Variants in PLCG1 observed in about 807,000 individuals in gnomAD.
PLCG1 encodes phospholipase C gamma 1, also known as 1-phosphatidylinositol 4,5-bisphosphate phosphodiesterase gamma-1.
A neutral mutation model predicts 177.8 loss-of-function variants in PLCG1; 71 were observed. That is an observed-to-expected ratio of 0.40 (90% CI 0.33 to 0.49). PLCG1 has a LOEUF of 0.49. PLCG1 is among the 20% of genes least tolerant of loss of function. PLCG1 has a pLI of 0.72. For missense variants in PLCG1, 1,281 were observed against 1,709.0 expected, an observed-to-expected ratio of 0.75 and a Z score of 4.42; for synonymous variants, 658 against 647.9, an observed-to-expected ratio of 1.02 and a Z score of -0.24.
chr20:41,137,942 GC>G lies in PLCG1; in HGVS notation c.217+88del. The G allele has an allele frequency of 1.0e-6, 1 of 992,474 alleles. No homozygotes were observed. The highest frequency in any genetic ancestry group is 1.3e-6 in the Non-Finnish European group (1 of 760,192). 61.5% of individuals were successfully genotyped at this position (992,474 alleles called of 1,614,324 possible). ...CCGACTGCTTGCACCCCGGCCGGCC[GC>G]CCCAGCGACTTGGGCAAACTTTCGG... On this transcript the variant is annotated intron_variant, in intron 1 of 31. Coordinates refer to ENST00000685551, the MANE Select transcript of PLCG1 (RefSeq NM_002660.3). This position sits in a 1 kb window ranked among gnomAD's most constrained non-coding sequence, Gnocchi z 7.3.
intron 24 of PLCG1, 34 bp downstream of exon 24, chr20:41,170,303 G>A (rs1251578537): frequency 1.9e-6 from 3 of 1,612,532 alleles, no homozygotes; most frequent in African/African-American, 2.7e-5. Context: ...GGGGGGCAGT[G>A]TGTGGGCCCG....
rs1484540829 is a variant in PLCG1 at position 41,157,194 on chromosome 20, C to T, written c.218-2412C>T. Among the ~76,000 whole-genome samples, 1 of 124,734 alleles carries T rather than the reference C, an allele frequency of 8.0e-6. No homozygotes were observed. The highest frequency in any genetic ancestry group is 1.6e-5 in the Non-Finnish European group (1 of 63,750). The allele number at this position is 124,734 out of a possible 152,430, so 81.8% of individuals were successfully genotyped here. A position where few individuals can be genotyped will look rare whatever the true frequency, so the allele number is the denominator to read the frequency against. Reference sequence around the variant, plus strand: ...ATGGAAATATGTGCAGGAGTGCAGGCCTGTTGACTCTGTGTGTGTGTGTGT... The same window carrying T: ...ATGGAAATATGTGCAGGAGTGCAGGTCTGTTGACTCTGTGTGTGTGTGTGT... On this transcript the variant is annotated intron_variant, in intron 1 of 31. Transcript: ENST00000685551. This position sits in a 1 kb window ranked among gnomAD's most constrained non-coding sequence, Gnocchi z 5.4.
Position 41,163,072 on chromosome 20 carries a change from A to G in PLCG1, c.716+80A>G. On this transcript the variant is annotated intron_variant, in intron 7 of 31. Transcript: ENST00000685551. The surrounding 1 kb of genome is among the most constrained non-coding windows in gnomAD (Gnocchi z 5.2). Reference sequence around the variant, plus strand: ...CTGGGCGATTCTTGATCCAGGTGGGAGGCAGTGGGAGTAGGGAACCATGCT... The same window carrying G: ...CTGGGCGATTCTTGATCCAGGTGGGGGGCAGTGGGAGTAGGGAACCATGCT... 6.6e-7 allele frequency: 1 copy of G among 1,524,342 alleles called. No homozygotes were observed. Among genetic ancestry groups the G allele is most frequent in the Non-Finnish European group, 9.1e-7 (1 of 1,098,512 alleles). 94.4% of individuals were successfully genotyped at this position (1,524,342 alleles called of 1,614,324 possible). A position where few individuals can be genotyped will look rare whatever the true frequency, so the allele number is the denominator to read the frequency against.
In PLCG1 at chr20:41,163,753, G is replaced by A. The variant is rs2035592616; in HGVS notation, c.930G>A (p.Trp310Ter). ...TGTTCTCCAAAGAGAACAGTGTGTG[G>A]AACTCGCAGCTGGATGCAGTATGCC... is the stretch of plus-strand genomic sequence containing the variant. ...TFLFSKENSVWNSQLDAVCPD... is the reference protein window; with the variant it reads ...TFLFSKENSV Residue 310 changes from tryptophan to a stop codon, truncating the protein, a stop_gained, in exon 10 of 32, where the codon TGG becomes TGA. Transcript: ENST00000685551. LOFTEE classifies it high-confidence loss of function. The surrounding 1 kb of genome is among the most constrained non-coding windows in gnomAD (Gnocchi z 5.2). The A allele has an allele frequency of 6.2e-7, 1 of 1,613,366 alleles. No homozygotes were observed. The highest frequency in any genetic ancestry group is 1.3e-5 in the African/African-American group (1 of 74,894).
rs1462766080 is a variant in PLCG1 at position 41,159,981 on chromosome 20, AG to A, written c.464+22del. The A allele has an allele frequency of 2.5e-6, 4 of 1,609,376 alleles. No homozygotes were observed. The highest frequency in any genetic ancestry group is 3.4e-6 in the Non-Finnish European group (4 of 1,175,644). ...ATTGAGAGGTAAGAACCACTCCTGA[AG>A]GGGTTAGGGCTGGGAGCATTAGGGA... On this transcript the variant is annotated intron_variant, in intron 3 of 31. Coordinates refer to ENST00000685551, the MANE Select transcript of PLCG1 (RefSeq NM_002660.3). This position sits in a 1 kb window ranked among gnomAD's most constrained non-coding sequence, Gnocchi z 6.0.
chr20:41,166,810 A>T lies in PLCG1; in HGVS notation c.2252A>T (p.Lys751Met). The change falls in exon 19 of 32, where the codon AAG becomes ATG. Residue 751 changes from lysine to methionine, a missense_variant. Physicochemically the swap from Lys to Met is moderately conservative, Grantham distance 95. Around this residue, in one of 4 missense-constraint regions of PLCG1, gnomAD observed 723 missense variants for 1,030.0 expected, o/e 0.70. Coordinates refer to ENST00000685551, the MANE Select transcript of PLCG1 (RefSeq NM_002660.3). The surrounding 1 kb of genome is among the most constrained non-coding windows in gnomAD (Gnocchi z 8.6). ...YEKHPLYRKM[K>M]LRYPINEEAL... Reference sequence around the variant, plus strand: ...AAACACCCGCTATACCGCAAGATGAAGCTGCGCTATCCCATCAACGAGGAG... The same window carrying T: ...AAACACCCGCTATACCGCAAGATGATGCTGCGCTATCCCATCAACGAGGAG... The T allele has an allele frequency of 6.2e-7, 1 of 1,614,140 alleles. No homozygotes were observed.
chr20:41,174,347 C>T lies in PLCG1; in HGVS notation c.3833+36C>T. ...TGGAGGGGTGCTAGAGCCAGGAAGG[C>T]AGTGGCTAGGTCCTCCTTCTTCAGT... On this transcript the variant is annotated intron_variant, in intron 31 of 31. Coordinates refer to ENST00000685551, the MANE Select transcript of PLCG1 (RefSeq NM_002660.3). This position sits in a 1 kb window ranked among gnomAD's most constrained non-coding sequence, Gnocchi z 5.8. 6.2e-7 allele frequency: 1 copy of T among 1,604,874 alleles called. No individual in the cohort carries two copies. Among genetic ancestry groups the T allele is most frequent in the Admixed American group, 1.7e-5 (1 of 59,928 alleles).
rs749293903 is a variant in PLCG1, at chr20:41,165,720, G to A, written c.1693G>A (p.Ala565Thr). ...LGAGRDGRHI[A>T]ERLLTEYCIE... Reference sequence around the variant, plus strand: ...GGCAGGGCGTGACGGGCGTCACATCGCTGAGCGCCTGCTTACTGAGTACTG... The same window carrying A: ...GGCAGGGCGTGACGGGCGTCACATCACTGAGCGCCTGCTTACTGAGTACTG... Residue 565 changes from alanine (A) to threonine (T), a missense_variant, in exon 16 of 32, where the codon GCT (alanine) becomes ACT (threonine). By Grantham distance (58) the Ala-to-Thr change is moderately conservative. Coordinates refer to ENST00000685551, the MANE Select transcript of PLCG1 (RefSeq NM_002660.3). This position sits in a 1 kb window ranked among gnomAD's most constrained non-coding sequence, Gnocchi z 6.6. 9 of 1,613,884 alleles carry A rather than the reference G, an allele frequency of 5.6e-6. No individual in the cohort carries two copies. The highest frequency in any genetic ancestry group is 1.1e-5 in the South Asian group (1 of 91,086).
Position 41,146,818 on chromosome 20 carries a change from G to A in PLCG1, c.217+8960G>A, listed in dbSNP as rs1162921341. ...GGCTGTGTAGGTGTGGATGTGTGGT[G>A]GGAGAATTCCAACCCCACCTTGACT... On this transcript the variant is annotated intron_variant, in intron 1 of 31. Coordinates refer to ENST00000685551, the MANE Select transcript of PLCG1 (RefSeq NM_002660.3). This position sits in a 1 kb window ranked among gnomAD's most constrained non-coding sequence, Gnocchi z 6.3. Among the ~76,000 whole-genome samples the A allele has an allele frequency of 6.6e-6, 1 of 152,150 alleles. No homozygotes were observed. The highest frequency in any genetic ancestry group is 1.5e-5 in the Non-Finnish European group (1 of 68,018).
chr20:41,164,075 C>T lies in PLCG1; in HGVS notation c.1097-6C>T. On this transcript the variant is annotated splice_region_variant and splice_polypyrimidine_tract_variant and intron_variant, in intron 11 of 31. Transcript: ENST00000685551. This position sits in a 1 kb window ranked among gnomAD's most constrained non-coding sequence, Gnocchi z 6.4. ...CCCGCTTGACCATGGTGATGTTGCT[C>T]CCCAGTGGACTGCTGGGACGGCCCG... is the stretch of plus-strand genomic sequence containing the variant. The T allele has an allele frequency of 6.2e-7, 1 of 1,614,154 alleles. No individual in the cohort carries two copies. Among genetic ancestry groups the T allele is most frequent in the Non-Finnish European group, 8.5e-7 (1 of 1,180,020 alleles).
In PLCG1 at chr20:41,160,045, A is replaced by T. The variant is rs2035446241; in HGVS notation, c.465-61A>T. On this transcript the variant is annotated intron_variant, in intron 3 of 31. Transcript: ENST00000685551. This position sits in a 1 kb window ranked among gnomAD's most constrained non-coding sequence, Gnocchi z 5.5. Reference sequence around the variant, plus strand: ...GGACAGCAGACCTTTGTGTGCCCAGACATCTCCCAGGCCTGACTGTAGATG... The same window carrying T: ...GGACAGCAGACCTTTGTGTGCCCAGTCATCTCCCAGGCCTGACTGTAGATG... The T allele has an allele frequency of 1.9e-6, 3 of 1,601,214 alleles. No homozygotes were observed. Among genetic ancestry groups the T allele is most frequent in the Non-Finnish European group, 1.7e-6 (2 of 1,168,224 alleles).
chr20:41,169,162 A>T lies in PLCG1; in HGVS notation c.2567A>T (p.Glu856Val), dbSNP rs902662969. 3.7e-6 allele frequency: 6 copies of T among 1,611,780 alleles called. No individual in the cohort carries two copies. Among genetic ancestry groups the T allele is most frequent in the Non-Finnish European group, 5.1e-6 (6 of 1,177,974 alleles). ...GAGATGGTCAACCCCGTGGCCCTGGAGCCGGAGAGGGAGGTAAGACCAGAA... is the reference window on the plus strand; with the variant it reads ...GAGATGGTCAACCCCGTGGCCCTGGTGCCGGAGAGGGAGGTAAGACCAGAA... The part of the protein sequence containing the change: ...VEEMVNPVAL[E>V]PEREHLDENS... The change falls in exon 22 of 32, where the codon GAG becomes GTG. Residue 856 changes from glutamate to valine, a missense_variant. By Grantham distance (121) the Glu-to-Val change is moderately radical. Coordinates refer to ENST00000685551, the MANE Select transcript of PLCG1 (RefSeq NM_002660.3).
In PLCG1 at chr20:41,163,893, A is replaced by G; in HGVS notation, c.1011-28A>G. The G allele has an allele frequency of 6.2e-7, 1 of 1,612,184 alleles. No homozygotes were observed. Among genetic ancestry groups the G allele is most frequent in the South Asian group, 1.1e-5 (1 of 91,002 alleles). On this transcript the variant is annotated intron_variant, in intron 10 of 31. Transcript: ENST00000685551. The surrounding 1 kb of genome is among the most constrained non-coding windows in gnomAD (Gnocchi z 5.2). ...TCCCCAGGAGGGCCCATCTGACCAT[A>G]CCTACCTGCCTCTCCTTGCCTATCC... is the stretch of plus-strand genomic sequence containing the variant.
chr20:41,140,423 C>T (rs1308872625), intron 1 of PLCG1, among the ~76,000 whole-genome samples: 1 of 152,186 alleles, frequency 6.6e-6, no homozygotes, highest in Non-Finnish European at 1.5e-5. Context: ...TGCCCAAGCA[C>T]CTCAGGTATC....
At position 41,159,758 on chromosome 20, in the gene PLCG1, G is replaced by C; in HGVS notation, c.370G>C (p.Ala124Pro). The change falls in exon 2 of 32, where the codon GCC (alanine) becomes CCC (proline). Residue 124 changes from alanine to proline, a missense_variant and splice_region_variant. Around this residue, in one of 4 missense-constraint regions of PLCG1, gnomAD observed 374 missense variants for 443.8 expected, o/e 0.84. Transcript: ENST00000685551. This position sits in a 1 kb window ranked among gnomAD's most constrained non-coding sequence, Gnocchi z 6.0. ...TCGCCTGAAAACGCTGAGCCTGCAA[G>C]GTGGGAGTTAAGGGGGTAGAGGAGG... is the stretch of plus-strand genomic sequence containing the variant. ...EFRLKTLSLQ[A>P]TSEDEVNMWI... 6.2e-7 allele frequency: 1 copy of C among 1,614,228 alleles called. No individual in the cohort carries two copies. Among genetic ancestry groups the C allele is most frequent in the Non-Finnish European group, 8.5e-7 (1 of 1,180,040 alleles).
intron 23 of PLCG1, among the ~76,000 whole-genome samples, chr20:41,169,881 G>C (rs569587101): frequency 2.0e-5 from 3 of 152,286 alleles, no homozygotes; most frequent in African/African-American, 7.2e-5. Context: ...GAAGAAGCAT[G>C]AGTCAGAGCT....
At position 41,169,273 on chromosome 20, in the gene PLCG1, G is replaced by A. The variant is rs962162629; in HGVS notation, c.2580+98G>A. 1.4e-5 allele frequency: 14 copies of A among 1,005,676 alleles called. No homozygotes were observed. In the African/African-American group the frequency reaches 2.2e-4, roughly 16 times the overall value. The allele number at this position is 1,005,676 out of a possible 1,614,324, so 62.3% of individuals were successfully genotyped here. The stretch of plus-strand genomic sequence containing the variant: ...TCCCAAGCACGCACGTGCATGCACA[G>A]ACACCTGTCACATGGGCTGGTCGCA... On this transcript the variant is annotated intron_variant, in intron 22 of 31. Transcript: ENST00000685551.
Position 41,156,802 on chromosome 20 carries a change from G to A in PLCG1, c.218-2804G>A, listed in dbSNP as rs76155034. Among the ~76,000 whole-genome samples, 336 of 152,314 alleles carry A rather than the reference G, an allele frequency of 2.2e-3. 1 individual carries two copies. The highest frequency in any genetic ancestry group is 7.7e-3 in the African/African-American group (318 of 41,568). ...GGCAGAGAGGTCTGACCCAGACTGT[G>A]CCAGACTGGATCATTCGCTCTGTCA... On this transcript the variant is annotated intron_variant, in intron 1 of 31. Transcript: ENST00000685551. This position sits in a 1 kb window ranked among gnomAD's most constrained non-coding sequence, Gnocchi z 5.0.
chr20:41,157,308 A>G lies in PLCG1; in HGVS notation c.218-2298A>G, dbSNP rs1284937096. ...GACAGCAGCTCCACACCGGAAGAGC[A>G]GACTGGTTTCTGTTTCAAAAGGCAG... On this transcript the variant is annotated intron_variant, in intron 1 of 31. Transcript: ENST00000685551. The surrounding 1 kb of genome is among the most constrained non-coding windows in gnomAD (Gnocchi z 5.4). 1.3e-5 allele frequency among the ~76,000 whole-genome samples: 2 copies of G among 151,730 alleles called. No homozygotes were observed. Among genetic ancestry groups the G allele is most frequent in the African/African-American group, 4.9e-5 (2 of 41,194 alleles).
Sources: gnomAD v4.1 joint callset for allele counts (sites outside exome capture counted in the v4.1 genomes callset) on GRCh38, gnomAD v4.1.1 for gene constraint, gnomAD v4.1.1 regional missense constraint, Gnocchi (gnomAD v3.1) non-coding constraint, MANE v1.5 for transcripts, NCBI Gene and HGNC (gene_info 2026-07-23, HGNC 2026-07-21) for gene names.